PCCA: variants seen among roughly 807,000 people sequenced by gnomAD.
The protein encoded by PCCA is propionyl-CoA carboxylase alpha chain, mitochondrial.
In PCCA, 74 loss-of-function variants were observed where a neutral mutation model predicts 101.3. The observed-to-expected ratio is 0.73, with a 90% CI of 0.61 to 0.89. The LOEUF is 0.89. PCCA is among the 40% of genes least tolerant of loss of function. The pLI is 0.00. For missense variants in PCCA, 891 were observed against 907.0 expected, an observed-to-expected ratio of 0.98 and a Z score of 0.23; for synonymous variants, 294 against 313.6, an observed-to-expected ratio of 0.94 and a Z score of 0.66.
intron 6 of PCCA, among the ~76,000 whole-genome samples, chr13:100,205,817 G>A (rs1329804003): frequency 6.6e-6 from 1 of 152,094 alleles, no homozygotes; most frequent in East Asian, 1.9e-4. Flanking sequence ...CAAGTAAAAT[G>A]AGAATATGGA....
chr13:100,507,930 A>G (rs528099539), intron 21 of PCCA, among the ~76,000 whole-genome samples: 1 of 152,256 alleles, frequency 6.6e-6, no homozygotes, highest in South Asian at 2.1e-4. Flanking sequence ...TGCTGGGATT[A>G]TAGGTGTGAG....
chr13:100,328,565 C>A (rs557019082), intron 16 of PCCA, among the ~76,000 whole-genome samples: 6 of 151,284 alleles, frequency 4.0e-5, no homozygotes, highest in Admixed American at 4.0e-4. Flanking sequence ...ACTAAGAATC[C>A]GTTGCCTACC....
At chr13:100,509,826 T>TG (rs1555326193) in intron 21 of PCCA, among the ~76,000 whole-genome samples, 2 of 149,454 alleles carry the variant, frequency 1.3e-5, no homozygotes, top group Non-Finnish European at 3.0e-5. Context: ...TTTTGTGTTT[T>TG]TTTTGTTTTG....
At chr13:100,449,644 G>T (rs1031975275) in intron 21 of PCCA, among the ~76,000 whole-genome samples, 2 of 152,072 alleles carry the variant, frequency 1.3e-5, no homozygotes, top group African/African-American at 4.8e-5. Flanking sequence ...CTGCCACCAA[G>T]CTCGGCTAAT....
chr13:100,254,121 G>A (rs1050415807), intron 8 of PCCA, among the ~76,000 whole-genome samples: 10 of 152,068 alleles, frequency 6.6e-5, no homozygotes, highest in African/African-American at 2.4e-4. Flanking sequence ...AAGAGAATGA[G>A]TGCCAGCAGG....
intron 4 of PCCA, among the ~76,000 whole-genome samples, chr13:100,121,783 T>C (rs2049428011): frequency 6.6e-6 from 1 of 152,200 alleles, no homozygotes; most frequent in African/African-American, 2.4e-5. Context: ...CAGGATTCTT[T>C]ATATAAGATC....
At chr13:100,140,800 T>A (rs369367993) in intron 4 of PCCA, among the ~76,000 whole-genome samples, 1 of 152,178 alleles carries the variant, frequency 6.6e-6, no homozygotes, top group African/African-American at 2.4e-5. Context: ...GGGGTGTTTC[T>A]TGAAAGCTAC....
At chr13:100,321,011 G>T (rs1292456240) in intron 16 of PCCA, among the ~76,000 whole-genome samples, 1 of 151,238 alleles carries the variant, frequency 6.6e-6, no homozygotes, top group Non-Finnish European at 1.5e-5. Context: ...CTCCCAAAGG[G>T]CTGGGATTAC....
chr13:100,246,211 A>G (rs943647001), intron 8 of PCCA, among the ~76,000 whole-genome samples: 1 of 152,240 alleles, frequency 6.6e-6, no homozygotes, highest in Non-Finnish European at 1.5e-5. Flanking sequence ...AGAAAACTGT[A>G]CTTAATAACT....
At chr13:100,510,226 C>A (rs896007022) in intron 21 of PCCA, among the ~76,000 whole-genome samples, 1 of 152,204 alleles carries the variant, frequency 6.6e-6, no homozygotes, top group Non-Finnish European at 1.5e-5. Context: ...TATGGTTTTA[C>A]TCGATAATCC....
At chr13:100,508,756 G>C (rs2086257981) in intron 21 of PCCA, among the ~76,000 whole-genome samples, 1 of 152,140 alleles carries the variant, frequency 6.6e-6, no homozygotes, top group East Asian at 1.9e-4. Context: ...AGGAGGCAGG[G>C]CTTTACACTG....
chr13:100,352,964 G>A (rs1187087590), intron 18 of PCCA, among the ~76,000 whole-genome samples: 1 of 152,032 alleles, frequency 6.6e-6, no homozygotes, highest in Non-Finnish European at 1.5e-5. Flanking sequence ...TAATCCTTAC[G>A]CCTCAGCCTT....
intron 4 of PCCA, among the ~76,000 whole-genome samples, chr13:100,132,629 A>G (rs959975992): frequency 6.6e-6 from 1 of 152,198 alleles, no homozygotes; most frequent in Non-Finnish European, 1.5e-5. Context: ...ACATTTGTGT[A>G]CAGATTCTGT....
intron 18 of PCCA, among the ~76,000 whole-genome samples, chr13:100,367,316 TG>T: frequency 6.6e-6 from 1 of 152,174 alleles, no homozygotes; most frequent in East Asian, 1.9e-4. Flanking sequence ...TTCATAGATA[TG>T]GAGTCCTTTC....
chr13:100,311,889 CTGTG>C (rs1283721283), intron 16 of PCCA, among the ~76,000 whole-genome samples: 4 of 152,192 alleles, frequency 2.6e-5, no homozygotes. Context: ...ATTTCTAATA[CTGTG>C]TGCGGAGGTT....
rs750901372 is a variant in PCCA, at chr13:100,136,778, CG to C, written c.301-18200del. Among the ~76,000 whole-genome samples, 225 of 151,862 alleles carry C rather than the reference CG, an allele frequency of 1.5e-3. 2 individuals are homozygous for C. The highest frequency in any genetic ancestry group is 2.7e-3 in the Non-Finnish European group (184 of 67,888). ...CTCTTTCCTTTCTTATTTTGGATGTCGTTTTTTTCTTCTTTTCTTAGTCTTT... is the reference window on the plus strand; with the variant it reads ...CTCTTTCCTTTCTTATTTTGGATGTCTTTTTTTCTTCTTTTCTTAGTCTTT... On this transcript the variant is annotated intron_variant, in intron 4 of 23. Transcript: ENST00000376285.
intron 6 of PCCA, among the ~76,000 whole-genome samples, chr13:100,170,464 C>G (rs575707658): frequency 6.6e-6 from 1 of 152,308 alleles, no homozygotes; most frequent in African/African-American, 2.4e-5. Flanking sequence ...TGTTTCTGTA[C>G]TGGTCCTTAT....
chr13:100,261,951 G>A (rs959244802), intron 9 of PCCA, among the ~76,000 whole-genome samples: 3 of 152,146 alleles, frequency 2.0e-5, no homozygotes, highest in African/African-American at 7.2e-5. Flanking sequence ...CTCCAGTCAT[G>A]CAGGTGACTA....
intron 19 of PCCA, among the ~76,000 whole-genome samples, chr13:100,417,686 C>T (rs1329341350): frequency 2.0e-5 from 3 of 152,140 alleles, no homozygotes; most frequent in Non-Finnish European, 4.4e-5. Context: ...CTACCCTTCT[C>T]TGTCATCTCT....
Sources: allele counts gnomAD v4.1 joint callset (sites outside exome capture counted in the v4.1 genomes callset), GRCh38; gene constraint gnomAD v4.1.1; transcripts MANE v1.5; gene names NCBI Gene and HGNC (gene_info 2026-07-23, HGNC 2026-07-21).